The following FAM120B variants were observed in gnomAD, a reference collection of about 807,000 sequenced individuals.
The protein encoded by FAM120B is constitutive coactivator of peroxisome proliferator-activated receptor gamma.
In FAM120B, 83 loss-of-function variants were observed where a neutral mutation model predicts 96.3. The ratio of observed to expected loss-of-function variants is 0.86; its 90% CI spans 0.72 to 1.03. The LOEUF is 1.03. Ranked by LOEUF, FAM120B falls within the 50% of genes least tolerant of loss-of-function variation. The pLI, the probability that FAM120B is intolerant of heterozygous loss-of-function variation, is 0.00. For synonymous variants in FAM120B, 407 were observed against 402.7 expected (o/e 1.01, Z -0.13); for missense variants, 1,027 against 1,121.2 (o/e 0.92, Z 1.20).
At position 170,317,848 on chromosome 6, in the gene FAM120B, T is replaced by C. The variant is rs2115020238; in HGVS notation, c.458T>C (p.Leu153Ser). The C allele has an allele frequency of 6.2e-7, 1 of 1,614,234 alleles. No homozygotes were observed. Among genetic ancestry groups the C allele is most frequent in the South Asian group, 1.1e-5 (1 of 91,086 alleles). ...FALKTLGQETLCSLQEADYEV... is the reference protein window; with the variant it reads ...FALKTLGQETSCSLQEADYEV... ...CTAAAGACACTGGGCCAGGAAACTTTGTGTTCTTTGCAGGAAGCAGATTAT... is the reference window on the plus strand; with the variant it reads ...CTAAAGACACTGGGCCAGGAAACTTCGTGTTCTTTGCAGGAAGCAGATTAT... The change falls in exon 2 of 11, where the codon TTG (leucine) becomes TCG (serine). Residue 153 changes from leucine to serine, a missense_variant. Leu to Ser is a moderately radical substitution (Grantham distance 145). Coordinates refer to ENST00000476287, the MANE Select transcript of FAM120B (RefSeq NM_032448.3).
At chr6:170,313,103 G>T (rs182606255) in intron 1 of FAM120B, among the ~76,000 whole-genome samples, 1 of 152,346 alleles carries the variant, frequency 6.6e-6, no homozygotes, top group Non-Finnish European at 1.5e-5. Context: ...CCTGTATGGA[G>T]ATCATCTGAA....
intron 4 of FAM120B, among the ~76,000 whole-genome samples, chr6:170,339,581 CA>C (rs954598320): frequency 1.6e-4 from 24 of 151,866 alleles, no homozygotes; most frequent in Non-Finnish European, 4.4e-5. Context: ...AGATTGAGAC[CA>C]TCCTGGCTAA....
chr6:170,371,164 C>T (rs1789163980), intron 6 of FAM120B, among the ~76,000 whole-genome samples: 1 of 152,132 alleles, frequency 6.6e-6, no homozygotes, highest in Non-Finnish European at 1.5e-5. Context: ...CCACACTCCT[C>T]AGCCCCTGTC....
At chr6:170,400,264 G>C in intron 9 of FAM120B, among the ~76,000 whole-genome samples, 1 of 152,106 alleles carries the variant, frequency 6.6e-6, no homozygotes, top group Non-Finnish European at 1.5e-5. Context: ...GAGTGGGGAA[G>C]GTAGAACTAT....
rs1018648095 is a variant in FAM120B, at chr6:170,363,986, G to C, written c.2283+5668G>C. Among the ~76,000 whole-genome samples the C allele has an allele frequency of 2.6e-5, 4 of 152,176 alleles. No individual in the cohort carries two copies. The highest frequency in any genetic ancestry group is 4.4e-5 in the Non-Finnish European group (3 of 68,034). The stretch of plus-strand genomic sequence containing the variant: ...GACCTTCAGTGATGGGCCTGCATCA[G>C]CCTCCCACAGTGCTGGGATTACAGT... On this transcript the variant is annotated intron_variant, in intron 6 of 10. Coordinates refer to ENST00000476287, the MANE Select transcript of FAM120B (RefSeq NM_032448.3). This position sits in a 1 kb window ranked among gnomAD's most constrained non-coding sequence, Gnocchi z 4.5.
chr6:170,323,027 G>C (rs1193676674), intron 2 of FAM120B, 52 bp from the exon 3 acceptor site: 7 of 1,474,882 alleles, frequency 4.7e-6, no homozygotes, highest in Non-Finnish European at 4.6e-6. Flanking sequence ...CTATTTGAAG[G>C]TTACTATCCT....
chr6:170,372,499 C>T (rs549660908), intron 6 of FAM120B, among the ~76,000 whole-genome samples: 13 of 152,248 alleles, frequency 8.5e-5, no homozygotes, highest in Admixed American at 2.6e-4. Flanking sequence ...AATGTGAGCG[C>T]GTTCTTAGAA....
chr6:170,362,296 T>C (rs1720205722), intron 6 of FAM120B, among the ~76,000 whole-genome samples: 1 of 152,182 alleles, frequency 6.6e-6, no homozygotes, highest in Non-Finnish European at 1.5e-5. Context: ...CATTCAAGGT[T>C]ATGGATCACT....
intron 1 of FAM120B, among the ~76,000 whole-genome samples, chr6:170,296,229 G>C (rs928929511): frequency 4.6e-5 from 7 of 151,996 alleles, no homozygotes; most frequent in African/African-American, 7.2e-5. Context: ...CCGGGTGTTG[G>C]GGGGTTAGAA....
In FAM120B at chr6:170,368,242, C is replaced by T. The variant is rs149075822; in HGVS notation, c.2283+9924C>T. ...GGTCAAGGTATAGTGCATGTCTGAG[C>T]TGATCAAAAGGCCAAGGTTCCGAGT... On this transcript the variant is annotated intron_variant, in intron 6 of 10. Transcript: ENST00000476287. Among the ~76,000 whole-genome samples the T allele has an allele frequency of 8.3e-3, 1,257 of 152,272 alleles. 63 individuals carry two copies. Among genetic ancestry groups the T allele is most frequent in the Admixed American group, 0.078 (1,197 of 15,296 alleles).
At chr6:170,319,233 C>A in intron 2 of FAM120B, 109 bp downstream of exon 2, 1 of 1,048,258 alleles carries the variant, frequency 9.5e-7, no homozygotes, top group Non-Finnish European at 1.4e-6. Flanking sequence ...AGAGGATGCA[C>A]AACAGGAGTC....
rs543940853 is a variant in FAM120B at position 170,327,148 on chromosome 6, A to G, written c.1916-3301A>G. On this transcript the variant is annotated intron_variant, in intron 3 of 10. Coordinates refer to ENST00000476287, the MANE Select transcript of FAM120B (RefSeq NM_032448.3). ...TGCAAGCTCCGCCTCCCGGGTTCAC[A>G]CCATTCTCCTGCCTCAGCCTCCCAA... 2.7e-3 allele frequency among the ~76,000 whole-genome samples: 405 copies of G among 151,860 alleles called. 1 individual carries two copies. The highest frequency in any genetic ancestry group is 4.3e-3 in the Non-Finnish European group (295 of 67,938).
intron 1 of FAM120B, among the ~76,000 whole-genome samples, chr6:170,311,268 A>G (rs1002374895): frequency 6.6e-6 from 1 of 152,204 alleles, no homozygotes; most frequent in African/African-American, 2.4e-5. Flanking sequence ...ACATTTTAGC[A>G]TGGTTTGCCA....
At chr6:170,384,573 GC>G (rs1469139639) in intron 6 of FAM120B, among the ~76,000 whole-genome samples, 4 of 152,178 alleles carry the variant, frequency 2.6e-5, no homozygotes, top group African/African-American at 9.7e-5. Context: ...AAAGGTCAGC[GC>G]CCCAGGATTA....
In FAM120B at chr6:170,375,432, C is replaced by T. The variant is rs891554119; in HGVS notation, c.2284-12855C>T. Reference sequence around the variant, plus strand: ...GTGGTTTGCTTTTGCCTACAAAGGACGTATGTTGAGTAAGAATCTTGGCCT... The same window carrying T: ...GTGGTTTGCTTTTGCCTACAAAGGATGTATGTTGAGTAAGAATCTTGGCCT... On this transcript the variant is annotated intron_variant, in intron 6 of 10. Transcript: ENST00000476287. Among the ~76,000 whole-genome samples the T allele has an allele frequency of 5.3e-5, 8 of 152,228 alleles. No homozygotes were observed. The East Asian group carries it at 9.7e-4, about 18-fold the overall frequency.
chr6:170,399,216 G>A (rs1172772598), intron 9 of FAM120B, among the ~76,000 whole-genome samples: 1 of 147,164 alleles, frequency 6.8e-6, no homozygotes, highest in Non-Finnish European at 1.5e-5. Context: ...AGTGGGAAAG[G>A]TAGAACTATG....
At chr6:170,394,449 C>T (rs968852209) in intron 8 of FAM120B, among the ~76,000 whole-genome samples, 4 of 151,880 alleles carry the variant, frequency 2.6e-5, no homozygotes, top group East Asian at 2.0e-4. Context: ...CCGTGGACAC[C>T]GCAGCATGCC....
chr6:170,348,238 A>T lies in FAM120B; in HGVS notation c.2105A>T (p.Asn702Ile), dbSNP rs777137854. 2 of 1,613,978 alleles carry T rather than the reference A, an allele frequency of 1.2e-6. No homozygotes were observed. The highest frequency in any genetic ancestry group is 2.7e-5 in the African/African-American group (2 of 74,902). ...TTGGACACACTCCTAGCCTGTTTCAATCTTTCCTCCTCAAGAGAAGAGCTG... is the reference window on the plus strand; with the variant it reads ...TTGGACACACTCCTAGCCTGTTTCATTCTTTCCTCCTCAAGAGAAGAGCTG... ...RRLDTLLACF[N>I]LSSSREELQA... is the part of the protein sequence containing the mutation. The change falls in exon 5 of 11, where the codon AAT (asparagine) becomes ATT (isoleucine). Residue 702 changes from asparagine (N) to isoleucine (I), a missense_variant. Asn to Ile is a moderately radical substitution (Grantham distance 149). Transcript: ENST00000476287.
At chr6:170,397,256 A>G (rs1383146927) in intron 9 of FAM120B, among the ~76,000 whole-genome samples, 2 of 152,240 alleles carry the variant, frequency 1.3e-5, no homozygotes, top group East Asian at 1.9e-4. Context: ...GAGCGTGTGC[A>G]GAGCACTTAG....
Sources: gnomAD v4.1 joint callset for allele counts (sites outside exome capture counted in the v4.1 genomes callset) on GRCh38, gnomAD v4.1.1 for gene constraint, Gnocchi (gnomAD v3.1) non-coding constraint, MANE v1.5 for transcripts, NCBI Gene and HGNC (gene_info 2026-07-23, HGNC 2026-07-21) for gene names.